The following GRIK4 variants were observed in gnomAD, a reference collection of about 807,000 sequenced individuals.
GRIK4 encodes glutamate receptor ionotropic, kainate 4.
A neutral mutation model predicts 104.9 loss-of-function variants in GRIK4; 40 were observed. That is an observed-to-expected ratio of 0.38 (90% CI 0.30 to 0.50). GRIK4 has a LOEUF of 0.50. Among genes scored for constraint, GRIK4 ranks in the 20% least tolerant of loss-of-function variants. The pLI is 0.93. For synonymous variants in GRIK4, 485 were observed against 524.9 expected, an observed-to-expected ratio of 0.92 and a Z score of 1.04; for missense variants, 1,047 against 1,308.1, an observed-to-expected ratio of 0.80 and a Z score of 3.08.
At chr11:120,808,428 C>G in intron 4 of GRIK4, among the ~76,000 whole-genome samples, 1 of 152,330 alleles carries the variant, frequency 6.6e-6, no homozygotes, top group Middle Eastern at 3.4e-3. Flanking sequence ...GGCACATGTG[C>G]CTGGCACTTG....
At chr11:120,878,609 C>T (rs1954880669) in intron 11 of GRIK4, among the ~76,000 whole-genome samples, 1 of 23,482 alleles carries the variant, frequency 4.3e-5, no homozygotes, top group Non-Finnish European at 9.7e-5. Context: ...TCTCTTTATG[C>T]CCCGCCCCCC....
In GRIK4 at chr11:120,903,608, C is replaced by T. The variant is rs374291764; in HGVS notation, c.1273-1682C>T. Among the ~76,000 whole-genome samples, 3 of 152,170 alleles carry T rather than the reference C, an allele frequency of 2.0e-5. No homozygotes were observed. Among genetic ancestry groups the T allele is most frequent in the African/African-American group, 7.2e-5 (3 of 41,428 alleles). ...CTAAAACACCATCGCCTTCACCTTT[C>T]CTACACCCTGCTGCCCTTCAAGCTG... is the stretch of plus-strand genomic sequence containing the variant. On this transcript the variant is annotated intron_variant, in intron 12 of 20. Transcript: ENST00000527524. The surrounding 1 kb of genome is among the most constrained non-coding windows in gnomAD (Gnocchi z 4.4).
intron 1 of GRIK4, among the ~76,000 whole-genome samples, chr11:120,541,966 C>A (rs1362247506): frequency 1.4e-5 from 2 of 147,156 alleles, no homozygotes; most frequent in Non-Finnish European, 3.0e-5. Flanking sequence ...GAAAAAAAAA[C>A]CCTAAAATTC....
intron 5 of GRIK4, among the ~76,000 whole-genome samples, chr11:120,818,588 T>C (rs1387392880): frequency 6.6e-6 from 1 of 152,240 alleles, no homozygotes; most frequent in Non-Finnish European, 1.5e-5. Context: ...GCTAAATCTT[T>C]ATCCTCTTCC....
chr11:120,896,706 C>T (rs542182441), intron 11 of GRIK4, among the ~76,000 whole-genome samples: 11 of 152,274 alleles, frequency 7.2e-5, no homozygotes, highest in Admixed American at 5.9e-4. Context: ...AGGGTGGGGG[C>T]GGCGAGAAAG....
intron 3 of GRIK4, among the ~76,000 whole-genome samples, chr11:120,785,319 A>G (rs1266638642): frequency 6.6e-6 from 1 of 152,212 alleles, no homozygotes; most frequent in Non-Finnish European, 1.5e-5. Context: ...CTGCTTTCAA[A>G]AGAGAACACA....
intron 16 of GRIK4, among the ~76,000 whole-genome samples, chr11:120,957,413 G>A (rs1944180443): frequency 6.6e-6 from 1 of 152,312 alleles, no homozygotes; most frequent in African/African-American, 2.4e-5. Flanking sequence ...CTCTGGCTCT[G>A]GGGGCTTGCT....
chr11:120,806,212 C>T (rs938152227), intron 4 of GRIK4, among the ~76,000 whole-genome samples: 4 of 152,130 alleles, frequency 2.6e-5, no homozygotes, highest in Admixed American at 6.5e-5. Context: ...TACCAGCCTC[C>T]CCCCTCTCTC....
intron 1 of GRIK4, among the ~76,000 whole-genome samples, chr11:120,642,158 G>A (rs1022614835): frequency 6.6e-6 from 1 of 152,138 alleles, no homozygotes; most frequent in Non-Finnish European, 1.5e-5. Context: ...GCTGAGTTAT[G>A]GAAGACAGTT....
chr11:120,853,275 G>T (rs1440211427), intron 8 of GRIK4, among the ~76,000 whole-genome samples: 1 of 152,198 alleles, frequency 6.6e-6, no homozygotes, highest in Non-Finnish European at 1.5e-5. Flanking sequence ...TAGCCAAGGG[G>T]TTTCTGTCCT....
chr11:120,827,403 T>C (rs2135556343), intron 6 of GRIK4, among the ~76,000 whole-genome samples: 1 of 152,194 alleles, frequency 6.6e-6, no homozygotes, highest in South Asian at 2.1e-4. Flanking sequence ...GCAAGGCTAA[T>C]AGGTTCCCTA....
chr11:120,963,997 T>TTATTTATTTA (rs10623083), intron 18 of GRIK4, among the ~76,000 whole-genome samples: 100,609 of 146,182 alleles, frequency 0.69, 35,292 homozygotes, highest in Admixed American at 0.77. Context: ...ATTTATTTAT[T>TTATTTATTTA]TTTATTTATT....
At chr11:120,692,961 A>T (rs1950390442) in intron 3 of GRIK4, among the ~76,000 whole-genome samples, 1 of 151,776 alleles carries the variant, frequency 6.6e-6, no homozygotes, top group South Asian at 2.1e-4. Flanking sequence ...TGAACTCTGG[A>T]TCTCAGGTCA....
intron 3 of GRIK4, among the ~76,000 whole-genome samples, chr11:120,732,588 A>G (rs892501913): frequency 1.3e-5 from 2 of 152,154 alleles, no homozygotes; most frequent in African/African-American, 2.4e-5. Flanking sequence ...GTTTGTTTAA[A>G]TAAATTTTTT....
At chr11:120,861,093 CTTTTTTTTTTTTTTTT>C (rs547199127) in intron 8 of GRIK4, among the ~76,000 whole-genome samples, 27,783 of 87,566 alleles carry the variant, frequency 0.32, 3,581 homozygotes, top group Admixed American at 0.48. Context: ...AAATCATCCT[CTTTTTTTTTTTTTTTT>C]TTTTTTTTTT....
At chr11:120,625,344 G>A (rs1565579071) in intron 1 of GRIK4, among the ~76,000 whole-genome samples, 1 of 152,120 alleles carries the variant, frequency 6.6e-6, no homozygotes, top group Admixed American at 6.6e-5. Context: ...CAAAGGCAGC[G>A]GGGAATGGCA....
At chr11:120,599,813 A>C (rs1470221357) in intron 1 of GRIK4, among the ~76,000 whole-genome samples, 1 of 152,240 alleles carries the variant, frequency 6.6e-6, no homozygotes, top group East Asian at 1.9e-4. Context: ...CTTGTCCCCA[A>C]GCTCAGCCTT....
intron 13 of GRIK4, among the ~76,000 whole-genome samples, chr11:120,911,485 T>C (rs935010421): frequency 9.7e-5 from 14 of 144,382 alleles, no homozygotes; most frequent in African/African-American, 2.2e-4. Flanking sequence ...GATCCGCCCG[T>C]CTCGGCCTCC....
At chr11:120,561,672 C>T (rs1476013032) in intron 1 of GRIK4, among the ~76,000 whole-genome samples, 1 of 152,210 alleles carries the variant, frequency 6.6e-6, no homozygotes, top group Non-Finnish European at 1.5e-5. Flanking sequence ...AAAGAGAAGG[C>T]GATGTGGGTA....
Sources: allele counts gnomAD v4.1 joint callset (sites outside exome capture counted in the v4.1 genomes callset), GRCh38; gene constraint gnomAD v4.1.1; non-coding constraint Gnocchi (gnomAD v3.1); transcripts MANE v1.5; gene names NCBI Gene and HGNC (gene_info 2026-07-23, HGNC 2026-07-21).